Variants in DYM observed in about 807,000 individuals in gnomAD.
DYM encodes the protein dymeclin, also known as dyggve-Melchior-Clausen syndrome protein.
DYM carries 78 observed loss-of-function variants against 93.1 expected under a neutral mutation model. That is an observed-to-expected ratio of 0.84 (90% CI 0.70 to 1.01). DYM has a LOEUF of 1.01. DYM is among the 50% of genes least tolerant of loss of function. The pLI is 0.00. For synonymous variants in DYM, 321 were observed against 319.7 expected, an observed-to-expected ratio of 1.00 and a Z score of -0.04; for missense variants, 789 against 845.0, an observed-to-expected ratio of 0.93 and a Z score of 0.82.
At chr18:49,064,124 G>A (rs1042520867) in intron 17 of DYM, among the ~76,000 whole-genome samples, 21 of 152,180 alleles carry the variant, frequency 1.4e-4, no homozygotes, top group Admixed American at 1.1e-3. Flanking sequence ...ATTATATACT[G>A]AGAGTTTACA....
chr18:49,220,113 GACAA>G (rs1321652929), intron 13 of DYM, among the ~76,000 whole-genome samples: 1 of 152,078 alleles, frequency 6.6e-6, no homozygotes, highest in African/African-American at 2.4e-5. Context: ...ACCAATAACA[GACAA>G]ACAGAGAGCC....
At chr18:49,393,356 C>T (rs118031367) in intron 2 of DYM, among the ~76,000 whole-genome samples, 3,425 of 152,212 alleles carry the variant, frequency 0.023, 46 homozygotes, top group Non-Finnish European at 0.033. Context: ...GTTGTACACT[C>T]GTGTCCATGG....
At chr18:49,079,342 G>A (rs1568383604) in intron 17 of DYM, among the ~76,000 whole-genome samples, 1 of 151,914 alleles carries the variant, frequency 6.6e-6, no homozygotes, top group Non-Finnish European at 1.5e-5. Context: ...GTGGATGTCG[G>A]GACATTTTGG....
rs1391344668 is a variant in DYM at position 49,059,644 on chromosome 18, C to T, written c.2026-15440G>A. Among the ~76,000 whole-genome samples the T allele has an allele frequency of 2.0e-5, 3 of 152,238 alleles. No homozygotes were observed. The East Asian group carries it at 5.8e-4, about 29-fold the overall frequency. ...AGCTGGCAGTTAGGGGCCCAGGTGGCTGCTACACAGTGTGGTGGTATGAGG... is the reference window on the plus strand; with the variant it reads ...AGCTGGCAGTTAGGGGCCCAGGTGGTTGCTACACAGTGTGGTGGTATGAGG... On this transcript the variant is annotated intron_variant, in intron 17 of 17. Coordinates refer to ENST00000675505, the MANE Select transcript of DYM (RefSeq NM_001353214.3).
In DYM at chr18:49,044,019, T is replaced by C. The variant is rs1327793205; in HGVS notation, c.*36A>G. The stretch of plus-strand genomic sequence containing the variant: ...AAATAAAAGAACTTGAAGGGCTGCT[T>C]GGCTGGAGGGGTCCGGGTGGGAGAG... On this transcript the variant is annotated 3_prime_UTR_variant, in exon 18 of 18. Transcript: ENST00000675505. The C allele has an allele frequency of 6.2e-7, 1 of 1,611,592 alleles. No individual in the cohort carries two copies. Among genetic ancestry groups the C allele is most frequent in the Non-Finnish European group, 8.5e-7 (1 of 1,179,490 alleles).
At chr18:49,383,393 G>T (rs143481790) in intron 3 of DYM, among the ~76,000 whole-genome samples, 1 of 152,162 alleles carries the variant, frequency 6.6e-6, no homozygotes, top group African/African-American at 2.4e-5. Flanking sequence ...GTTCAATCTG[G>T]GAACTTCCAA....
At position 49,100,438 on chromosome 18, in the gene DYM, C is replaced by T. The variant is rs1027557215; in HGVS notation, c.1912-2923G>A. ...TGCAATGACAGTTTTGCTTTGTTGA[C>T]TCTGCGGCCTATACTGGCTTTCCTC... is the stretch of plus-strand genomic sequence containing the variant. On this transcript the variant is annotated intron_variant, in intron 16 of 17. Coordinates refer to ENST00000675505, the MANE Select transcript of DYM (RefSeq NM_001353214.3). Among the ~76,000 whole-genome samples the T allele has an allele frequency of 1.8e-4, 28 of 152,206 alleles. No individual in the cohort carries two copies. The East Asian group carries it at 1.9e-3, about 11-fold the overall frequency.
At chr18:49,103,420 C>G (rs146994027) in intron 16 of DYM, among the ~76,000 whole-genome samples, 20,077 of 151,974 alleles carry the variant, frequency 0.13, 1,739 homozygotes, top group African/African-American at 0.25. Flanking sequence ...AGTTTAATTA[C>G]ATCCCATTTG....
At chr18:49,404,940 G>C (rs2071291169) in intron 2 of DYM, among the ~76,000 whole-genome samples, 1 of 150,744 alleles carries the variant, frequency 6.6e-6, no homozygotes, top group African/African-American at 2.4e-5. Flanking sequence ...TTGAACCTGG[G>C]AGGCAGAGGT....
At chr18:49,125,167 G>A (rs1191470971) in intron 15 of DYM, among the ~76,000 whole-genome samples, 1 of 152,184 alleles carries the variant, frequency 6.6e-6, no homozygotes, top group African/African-American at 2.4e-5. Flanking sequence ...GGCTGAGGCA[G>A]GAGAATCACT....
At chr18:49,390,081 C>G (rs967866524) in intron 3 of DYM, among the ~76,000 whole-genome samples, 1 of 152,128 alleles carries the variant, frequency 6.6e-6, no homozygotes, top group Non-Finnish European at 1.5e-5. Flanking sequence ...AAGACAACTA[C>G]TACAATAACA....
chr18:49,332,656 T>C (rs946355933), intron 7 of DYM, among the ~76,000 whole-genome samples: 18 of 152,204 alleles, frequency 1.2e-4, no homozygotes, highest in African/African-American at 4.1e-4. Context: ...TAATGTACTA[T>C]TGAGCTTTTT....
At position 49,102,411 on chromosome 18, in the gene DYM, ATATCT is replaced by A. The variant is rs1308774236; in HGVS notation, c.1912-4901_1912-4897del. On this transcript the variant is annotated intron_variant, in intron 16 of 17. Transcript: ENST00000675505. Reference sequence around the variant, plus strand: ...TTCCAAGTATTTGGAGATTTTCCAGATATCTTATTTCTTTTTTTTAATACTTTCAG... The same window carrying A: ...TTCCAAGTATTTGGAGATTTTCCAGATATTTCTTTTTTTTAATACTTTCAG... 3.3e-5 allele frequency among the ~76,000 whole-genome samples: 5 copies of A among 151,960 alleles called. No homozygotes were observed. The East Asian group carries it at 9.8e-4, about 30-fold the overall frequency.
intron 17 of DYM, among the ~76,000 whole-genome samples, chr18:49,096,968 C>T (rs536177080): frequency 1.3e-5 from 2 of 152,236 alleles, no homozygotes; most frequent in Admixed American, 1.3e-4. Context: ...AGGATGATAC[C>T]ACTACCCACC....
chr18:49,239,607 C>A lies in DYM; in HGVS notation c.1460+17403G>T, dbSNP rs1239695684. On this transcript the variant is annotated intron_variant, in intron 13 of 17. Transcript: ENST00000675505. ...ATGTCCCCTCTTGGGAACCTGCCTG[C>A]GTTGCGGTGAGGAGGCCAAGCTTCA... Among the ~76,000 whole-genome samples, 3 of 152,304 alleles carry A rather than the reference C, an allele frequency of 2.0e-5. 1 individual carries two copies. The South Asian group carries it at 6.2e-4, about 32-fold the overall frequency.
At chr18:49,429,094 T>G (rs908018921) in intron 2 of DYM, among the ~76,000 whole-genome samples, 1 of 152,212 alleles carries the variant, frequency 6.6e-6, no homozygotes, top group Non-Finnish European at 1.5e-5. Context: ...GCTGCTCATA[T>G]TTCTTGCTCA....
intron 13 of DYM, among the ~76,000 whole-genome samples, chr18:49,243,666 C>CAA (rs59748721): frequency 0.19 from 21,370 of 113,800 alleles, 2,435 homozygotes; most frequent in Middle Eastern, 0.28. Context: ...GGCTCTGTCT[C>CAA]AAAAAAAAAA....
intron 5 of DYM, among the ~76,000 whole-genome samples, chr18:49,367,371 G>C (rs187229497): frequency 3.3e-5 from 5 of 152,268 alleles, no homozygotes; most frequent in African/African-American, 1.2e-4. Context: ...ATGATATCTA[G>C]GGTCCCTTAA....
intron 2 of DYM, chr18:49,412,908 C>T (rs963450894): frequency 1.3e-5 from 2 of 152,142 alleles, no homozygotes; most frequent in Non-Finnish European, 2.9e-5. Flanking sequence ...GGCAGCTCTG[C>T]TTAAAAAGAG....
Sources: gnomAD v4.1 joint callset for allele counts (sites outside exome capture counted in the v4.1 genomes callset) on GRCh38, gnomAD v4.1.1 for gene constraint, MANE v1.5 for transcripts, NCBI Gene and HGNC (gene_info 2026-07-23, HGNC 2026-07-21) for gene names.